OSBPL9: variants seen among roughly 807,000 people sequenced by gnomAD.
OSBPL9 encodes the protein oxysterol-binding protein-related protein 9.
In OSBPL9, 40 loss-of-function variants were observed where a neutral mutation model predicts 106.6. The observed-to-expected ratio is 0.38, with a 90% confidence interval of 0.29 to 0.49. The LOEUF is 0.49. OSBPL9 is among the 20% of genes least tolerant of loss of function. OSBPL9 has a pLI of 0.97. For missense variants in OSBPL9, 609 were observed against 887.2 expected (o/e 0.69, Z 3.98); for synonymous variants, 269 against 295.4 (o/e 0.91, Z 0.92).
At chr1:51,651,064 G>T (rs1336306409) in intron 1 of OSBPL9, among the ~76,000 whole-genome samples, 1 of 152,162 alleles carries the variant, frequency 6.6e-6, no homozygotes, top group South Asian at 2.1e-4. Context: ...AACACAGGGT[G>T]ATGCATGCCA....
At chr1:51,737,667 T>C (rs1182817226) in intron 4 of OSBPL9, among the ~76,000 whole-genome samples, 2 of 152,008 alleles carry the variant, frequency 1.3e-5, no homozygotes, top group Admixed American at 1.3e-4. Context: ...TGTACTTATC[T>C]AGCATAAGGT....
chr1:51,771,013 C>T (rs1464444867), intron 12 of OSBPL9, among the ~76,000 whole-genome samples: 1 of 151,950 alleles, frequency 6.6e-6, no homozygotes, highest in African/African-American at 2.4e-5. Flanking sequence ...AGAAATATAC[C>T]TCTCTGGTAT....
At chr1:51,585,055 T>G (rs1285404589) in intron 1 of OSBPL9, among the ~76,000 whole-genome samples, 1 of 151,994 alleles carries the variant, frequency 6.6e-6, no homozygotes, top group Non-Finnish European at 1.5e-5. Flanking sequence ...ACACCTATAG[T>G]CTCAGCTACT....
At chr1:51,676,035 G>C (rs1454790282) in intron 3 of OSBPL9, among the ~76,000 whole-genome samples, 1 of 152,098 alleles carries the variant, frequency 6.6e-6, no homozygotes, top group African/African-American at 2.4e-5. Context: ...CAGACACATA[G>C]CTAATATAAG....
chr1:51,652,982 T>A (rs1201173895), intron 2 of OSBPL9, among the ~76,000 whole-genome samples: 4 of 152,226 alleles, frequency 2.6e-5, no homozygotes, highest in Non-Finnish European at 4.4e-5. Context: ...GATGTGAATA[T>A]ATTTGGTAAA....
At position 51,605,348 on chromosome 1, in the gene OSBPL9, A is replaced by T. The variant is rs140705772; in HGVS notation, c.-353+7155A>T. Reference sequence around the variant, plus strand: ...GCTCACACCTGCAATCCCAGCACTTAGGGAGGCAGAGGCAGGAGGATAGCT... The same window carrying T: ...GCTCACACCTGCAATCCCAGCACTTTGGGAGGCAGAGGCAGGAGGATAGCT... On this transcript the variant is annotated intron_variant, in intron 2 of 25. Transcript: ENST00000371714. Among the ~76,000 whole-genome samples, 20 of 152,266 alleles carry T rather than the reference A, an allele frequency of 1.3e-4. No homozygotes were observed. In the East Asian group the frequency reaches 3.7e-3, roughly 28 times the overall value.
chr1:51,521,525 G>C, the OSBPL9 span, among the ~76,000 whole-genome samples: 1 of 152,240 alleles, frequency 6.6e-6, no homozygotes, highest in East Asian at 1.9e-4. Flanking sequence ...TTCTCATACA[G>C]GAAAAGTAAG....
At chr1:51,780,223 G>A (rs1676049314) in intron 15 of OSBPL9, among the ~76,000 whole-genome samples, 1 of 151,052 alleles carries the variant, frequency 6.6e-6, no homozygotes, top group Non-Finnish European at 1.5e-5. Flanking sequence ...AAAAATAGAT[G>A]TTGATGTGGA....
intron 1 of OSBPL9, among the ~76,000 whole-genome samples, chr1:51,623,186 G>A (rs930733771): frequency 6.6e-6 from 1 of 152,046 alleles, no homozygotes. Context: ...GGAGTGGCTT[G>A]AAGAGTAAAG....
At chr1:51,526,639 G>A in the OSBPL9 span, among the ~76,000 whole-genome samples, 1 of 152,048 alleles carries the variant, frequency 6.6e-6, no homozygotes, top group Non-Finnish European at 1.5e-5. Flanking sequence ...ATCAACACTG[G>A]AAGCAAAGGA....
intron 4 of OSBPL9, among the ~76,000 whole-genome samples, chr1:51,735,804 A>C (rs1247054144): frequency 6.6e-6 from 1 of 152,210 alleles, no homozygotes; most frequent in Non-Finnish European, 1.5e-5. Flanking sequence ...TTTTAGAGAG[A>C]CAAGAAGATT....
intron 3 of OSBPL9, among the ~76,000 whole-genome samples, chr1:51,683,592 A>G (rs1176236718): frequency 6.7e-6 from 1 of 150,064 alleles, no homozygotes; most frequent in African/African-American, 2.4e-5. Context: ...CAGCAGTTCG[A>G]GACCAGCCTG....
upstream of OSBPL9, among the ~76,000 whole-genome samples, chr1:51,615,487 C>G (rs1180584944): frequency 6.6e-6 from 1 of 152,114 alleles, no homozygotes; most frequent in Non-Finnish European, 1.5e-5. Context: ...GTTTTGCCAA[C>G]ACAAAAAGAG....
chr1:51,748,656 T>G (rs946138423), intron 7 of OSBPL9, among the ~76,000 whole-genome samples: 1 of 152,224 alleles, frequency 6.6e-6, no homozygotes, highest in Non-Finnish European at 1.5e-5. Flanking sequence ...AAAAGGTGTC[T>G]TCCACGCACA....
intron 5 of OSBPL9, 57 bp downstream of exon 5, chr1:51,745,688 A>G: frequency 1.4e-6 from 2 of 1,416,588 alleles, no homozygotes; most frequent in Non-Finnish European, 1.8e-6. Flanking sequence ...ACTGAGCTTG[A>G]TTTTTGAGTA....
At chr1:51,526,643 C>T in the OSBPL9 span, among the ~76,000 whole-genome samples, 1 of 151,886 alleles carries the variant, frequency 6.6e-6, no homozygotes. Context: ...ACACTGGAAG[C>T]AAAGGAGATT....
intron 3 of OSBPL9, among the ~76,000 whole-genome samples, chr1:51,698,377 A>C (rs919505730): frequency 9.2e-5 from 14 of 152,216 alleles, no homozygotes; most frequent in Admixed American, 5.2e-4. Context: ...AAAAAAATGA[A>C]TTACAACAGA....
intron 2 of OSBPL9, among the ~76,000 whole-genome samples, chr1:51,601,712 C>T (rs1412594727): frequency 6.6e-6 from 1 of 152,192 alleles, no homozygotes; most frequent in Non-Finnish European, 1.5e-5. Flanking sequence ...AGCTCAAATA[C>T]TTTTCCTTGT....
At chr1:51,647,307 C>A (rs1363371316) in intron 1 of OSBPL9, among the ~76,000 whole-genome samples, 1 of 152,022 alleles carries the variant, frequency 6.6e-6, no homozygotes, top group South Asian at 2.1e-4. Context: ...CTTTTTATAT[C>A]TTGCTGGATT....
Sources: allele counts gnomAD v4.1 joint callset (sites outside exome capture counted in the v4.1 genomes callset), GRCh38; gene constraint gnomAD v4.1.1; transcripts MANE v1.5; gene names NCBI Gene and HGNC (gene_info 2026-07-23, HGNC 2026-07-21).